RPGRIP1L: variants seen among roughly 807,000 people sequenced by gnomAD.
RPGRIP1L encodes the protein RPGRIP1 like.
RPGRIP1L carries 131 observed loss-of-function variants against 160.4 expected under a neutral mutation model. That is an observed-to-expected ratio of 0.82 (90% CI 0.71 to 0.94). RPGRIP1L has a LOEUF of 0.94. Among genes scored for constraint, RPGRIP1L ranks in the 40% least tolerant of loss-of-function variants. The pLI, the probability that RPGRIP1L is intolerant of heterozygous loss-of-function variation, is 0.00. For missense variants in RPGRIP1L, 1,522 were observed against 1,535.8 expected (o/e 0.99, Z 0.15); for synonymous variants, 510 against 515.8 (o/e 0.99, Z 0.15).
At chr16:53,613,438 T>C (rs1464369725) in intron 24 of RPGRIP1L, among the ~76,000 whole-genome samples, 1 of 151,796 alleles carries the variant, frequency 6.6e-6, no homozygotes, top group South Asian at 2.1e-4. Flanking sequence ...GCCCTTAGCC[T>C]CCCCCTGGTA....
intron 22 of RPGRIP1L, among the ~76,000 whole-genome samples, chr16:53,625,845 C>T (rs910055858): frequency 2.0e-5 from 3 of 152,076 alleles, no homozygotes; most frequent in African/African-American, 7.2e-5. Context: ...ACCTCACCCC[C>T]AACCCCGTGC....
In RPGRIP1L at chr16:53,703,852, T is replaced by C; in HGVS notation, c.-57A>G. On this transcript the variant is annotated 5_prime_UTR_variant, in exon 1 of 27. Transcript: ENST00000647211. ...TACCGTTGCTATAGCGCCGACAGCG[T>C]GGCGGGCGGCTGGCCGAGAGGAGCA... 2 of 493,138 alleles carry C rather than the reference T, an allele frequency of 4.1e-6. No individual in the cohort carries two copies. The highest frequency in any genetic ancestry group is 7.4e-6 in the Non-Finnish European group (2 of 269,058). The allele number at this position is 493,138 out of a possible 1,614,324, so 30.5% of individuals were successfully genotyped here. A position where few individuals can be genotyped will look rare whatever the true frequency, so the allele number is the denominator to read the frequency against.
In RPGRIP1L at chr16:53,703,844, C is replaced by T; in HGVS notation, c.-49G>A. 1 of 477,916 alleles carries T rather than the reference C, an allele frequency of 2.1e-6. No homozygotes were observed. Among genetic ancestry groups the T allele is most frequent in the East Asian group, 4.0e-5 (1 of 24,932 alleles). 29.6% of individuals were successfully genotyped at this position (477,916 alleles called of 1,614,324 possible). A position where few individuals can be genotyped will look rare whatever the true frequency, so the allele number is the denominator to read the frequency against. Reference sequence around the variant, plus strand: ...CAGCTAGCTACCGTTGCTATAGCGCCGACAGCGTGGCGGGCGGCTGGCCGA... The same window carrying T: ...CAGCTAGCTACCGTTGCTATAGCGCTGACAGCGTGGCGGGCGGCTGGCCGA... On this transcript the variant is annotated 5_prime_UTR_variant, in exon 1 of 27. Transcript: ENST00000647211.
At position 53,637,657 on chromosome 16, in the gene RPGRIP1L, G is replaced by T. The variant is rs1360515650; in HGVS notation, c.3220+38C>A. On this transcript the variant is annotated intron_variant, in intron 21 of 26. Coordinates refer to ENST00000647211, the MANE Select transcript of RPGRIP1L (RefSeq NM_015272.5). ...CTCTAACAGATAAAACAAAGCACAGGGTTAACTAAACAATGTTAGTTTAAA... is the reference window on the plus strand; with the variant it reads ...CTCTAACAGATAAAACAAAGCACAGTGTTAACTAAACAATGTTAGTTTAAA... The T allele has an allele frequency of 3.2e-6, 5 of 1,575,896 alleles. No homozygotes were observed. The South Asian group carries it at 4.4e-5, about 14-fold the overall frequency.
chr16:53,631,832 C>A (rs768561386), intron 22 of RPGRIP1L, among the ~76,000 whole-genome samples: 3 of 152,082 alleles, frequency 2.0e-5, no homozygotes, highest in Non-Finnish European at 4.4e-5. Flanking sequence ...ATTACACTTG[C>A]GCTATGTGGC....
chr16:53,647,962 G>A (rs1036611407), intron 16 of RPGRIP1L, among the ~76,000 whole-genome samples: 5 of 151,896 alleles, frequency 3.3e-5, no homozygotes, highest in African/African-American at 1.2e-4. Context: ...AAATTTAGCC[G>A]GCTGTAGTGG....
chr16:53,612,568 A>C (rs1439323573), intron 24 of RPGRIP1L, among the ~76,000 whole-genome samples: 25 of 151,174 alleles, frequency 1.7e-4, no homozygotes, highest in Non-Finnish European at 7.4e-5. Context: ...AGAGTTGTAA[A>C]GCTTTTATGT....
chr16:53,671,730 T>C (rs1158544273), intron 8 of RPGRIP1L, 147 bp from the exon 9 acceptor site: 4 of 534,964 alleles, frequency 7.5e-6, no homozygotes, highest in African/African-American at 3.8e-5. Context: ...AGACCACTTA[T>C]ATTGTCTGCA....
chr16:53,674,584 G>A (rs1030702379), intron 7 of RPGRIP1L, among the ~76,000 whole-genome samples: 1 of 152,068 alleles, frequency 6.6e-6, no homozygotes, highest in African/African-American at 2.4e-5. Flanking sequence ...ATAAAAGAAA[G>A]TTTTAACAGA....
intron 14 of RPGRIP1L, among the ~76,000 whole-genome samples, chr16:53,653,982 G>C (rs1172419845): frequency 6.6e-6 from 1 of 151,702 alleles, no homozygotes; most frequent in Non-Finnish European, 1.5e-5. Flanking sequence ...TGTATGTTTT[G>C]AGACAGATTC....
At chr16:53,620,156 AT>A (rs1464317501) in intron 23 of RPGRIP1L, among the ~76,000 whole-genome samples, 1 of 152,192 alleles carries the variant, frequency 6.6e-6, no homozygotes, top group African/African-American at 2.4e-5. Flanking sequence ...GCTTTTAGGA[AT>A]TCATTGTTAA....
At chr16:53,611,546 G>A (rs948731158) in intron 24 of RPGRIP1L, among the ~76,000 whole-genome samples, 3 of 152,226 alleles carry the variant, frequency 2.0e-5, no homozygotes, top group Non-Finnish European at 4.4e-5. Flanking sequence ...GCAGGCTGAC[G>A]CCTGCTGGGG....
chr16:53,699,683 C>T (rs890961229), intron 2 of RPGRIP1L, among the ~76,000 whole-genome samples: 3 of 152,144 alleles, frequency 2.0e-5, no homozygotes, highest in African/African-American at 4.8e-5. Flanking sequence ...GCCGGCATGG[C>T]GGCGAACACC....
intron 24 of RPGRIP1L, among the ~76,000 whole-genome samples, chr16:53,614,915 C>T (rs1050979960): frequency 6.6e-6 from 1 of 152,166 alleles, no homozygotes; most frequent in Non-Finnish European, 1.5e-5. Flanking sequence ...AAAAACATAT[C>T]CTTTACTTCT....
intron 19 of RPGRIP1L, among the ~76,000 whole-genome samples, chr16:53,638,872 C>G (rs1172521827): frequency 6.6e-6 from 1 of 151,626 alleles, no homozygotes; most frequent in Non-Finnish European, 1.5e-5. Context: ...AACAAGCAAG[C>G]AAACACACAT....
chr16:53,629,262 G>A (rs186193121), intron 22 of RPGRIP1L, among the ~76,000 whole-genome samples: 93 of 152,240 alleles, frequency 6.1e-4, no homozygotes, highest in African/African-American at 2.2e-3. Context: ...CTCCCCAGAC[G>A]ATTCTCATGT....
At chr16:53,617,822 G>T (rs1964474099) in intron 24 of RPGRIP1L, among the ~76,000 whole-genome samples, 1 of 152,140 alleles carries the variant, frequency 6.6e-6, no homozygotes, top group Non-Finnish European at 1.5e-5. Context: ...GTGAGCATTT[G>T]TAATCCTGCT....
rs1009586503 is a variant in RPGRIP1L at position 53,687,807 on chromosome 16, A to G, written c.632+56T>C. ...AATAAAGGAAAGGGAAGGATAAAAA[A>G]AAAAGACATTATCAATAACCAAAGT... is the stretch of plus-strand genomic sequence containing the variant. On this transcript the variant is annotated intron_variant, in intron 5 of 26. Transcript: ENST00000647211. 4.7e-6 allele frequency: 5 copies of G among 1,064,304 alleles called. No homozygotes were observed. The African/African-American group carries it at 7.8e-5, about 17-fold the overall frequency. The allele number at this position is 1,064,304 out of a possible 1,614,324, so 65.9% of individuals were successfully genotyped here.
chr16:53,685,665 G>A (rs1969948985), intron 6 of RPGRIP1L, among the ~76,000 whole-genome samples: 1 of 150,506 alleles, frequency 6.6e-6, no homozygotes, highest in Non-Finnish European at 1.5e-5. Flanking sequence ...AGAACACATG[G>A]ACACATAGGG....
Sources: gnomAD v4.1 joint callset for allele counts (sites outside exome capture counted in the v4.1 genomes callset) on GRCh38, gnomAD v4.1.1 for gene constraint, MANE v1.5 for transcripts, NCBI Gene and HGNC (gene_info 2026-07-23, HGNC 2026-07-21) for gene names.